ST14: variants seen among roughly 807,000 people sequenced by gnomAD.
ST14 encodes ST14 transmembrane serine protease matriptase, also known as suppressor of tumorigenicity 14 protein.
In ST14, 40 loss-of-function variants were observed where a neutral mutation model predicts 96.5. That is an observed-to-expected ratio of 0.41 (90% CI 0.32 to 0.54). The LOEUF is 0.54. Ranked by LOEUF, ST14 falls within the 20% of genes least tolerant of loss-of-function variation. ST14 has a pLI of 0.17. For missense variants in ST14, 1,066 were observed against 1,188.9 expected (o/e 0.90, Z 1.52); for synonymous variants, 506 against 492.1 (o/e 1.03, Z -0.37).
chr11:130,192,513 C>T (rs932097780), intron 7 of ST14, among the ~76,000 whole-genome samples: 19 of 152,164 alleles, frequency 1.2e-4, no homozygotes, highest in South Asian at 6.2e-4. Context: ...TTCATCCTCT[C>T]GAGCAGCTGG....
At chr11:130,207,376 C>T (rs1177619745) in intron 16 of ST14, among the ~76,000 whole-genome samples, 1 of 152,132 alleles carries the variant, frequency 6.6e-6, no homozygotes, top group Non-Finnish European at 1.5e-5. Flanking sequence ...CATGGCGAAA[C>T]CCCGTTTCCA....
rs549457370 is a variant in ST14 at position 130,181,017 on chromosome 11, G to A, written c.82-7097G>A. Among the ~76,000 whole-genome samples, 5 of 152,294 alleles carry A rather than the reference G, an allele frequency of 3.3e-5. No individual in the cohort carries two copies. The East Asian group carries it at 7.7e-4, about 24-fold the overall frequency. ...AAGTTGGGTGAGATGGCAATGGTCC[G>A]ATCTCATCCCTGCTGGGTGGGATGG... On this transcript the variant is annotated intron_variant, in intron 1 of 18. Coordinates refer to ENST00000278742, the MANE Select transcript of ST14 (RefSeq NM_021978.4). This position sits in a 1 kb window ranked among gnomAD's most constrained non-coding sequence, Gnocchi z 4.1.
At chr11:130,164,128 G>A (rs768946457) in intron 1 of ST14, among the ~76,000 whole-genome samples, 4 of 152,206 alleles carry the variant, frequency 2.6e-5, no homozygotes, top group Non-Finnish European at 4.4e-5. Flanking sequence ...GTTGTCTTTG[G>A]AAGAGGAAGG....
chr11:130,208,973 C>G (rs1002592081), intron 17 of ST14, among the ~76,000 whole-genome samples: 7 of 152,186 alleles, frequency 4.6e-5, no homozygotes, highest in Non-Finnish European at 1.0e-4. Context: ...GATAGCAACA[C>G]CTTAAGCCCA....
chr11:130,194,784 G>A (rs763269484), intron 9 of ST14, 47 bp downstream of exon 9: 1 of 1,580,966 alleles, frequency 6.3e-7, no homozygotes, highest in South Asian at 1.1e-5. Context: ...GAGCATGTAT[G>A]TGCACGTGTG....
At chr11:130,200,208 G>T in intron 16 of ST14, 71 bp downstream of exon 16, 2 of 1,576,986 alleles carry the variant, frequency 1.3e-6, no homozygotes, top group Non-Finnish European at 1.7e-6. Flanking sequence ...GCCAGGATAG[G>T]TTGGCACCGA....
intron 5 of ST14, 72 bp downstream of exon 5, chr11:130,189,968 T>C: frequency 1.2e-6 from 2 of 1,612,244 alleles, no homozygotes; most frequent in South Asian, 2.2e-5. Flanking sequence ...CCCTGGACCA[T>C]TGCAGGGGAC....
chr11:130,171,581 C>G (rs1953092764), intron 1 of ST14, among the ~76,000 whole-genome samples: 1 of 152,162 alleles, frequency 6.6e-6, no homozygotes, highest in African/African-American at 2.4e-5. Flanking sequence ...GGGGGGGTCT[C>G]TTGAGTGGTG....
chr11:130,197,833 G>C lies in ST14; in HGVS notation c.1355-8G>C, dbSNP rs1185880732. ...TGCTGGGGGCCTCAGGCCTGCCTGTGCCCGCAGCATGCCCGGGGCAGTTCA... is the reference window on the plus strand; with the variant it reads ...TGCTGGGGGCCTCAGGCCTGCCTGTCCCCGCAGCATGCCCGGGGCAGTTCA... On this transcript the variant is annotated splice_region_variant and splice_polypyrimidine_tract_variant and intron_variant, in intron 11 of 18. Coordinates refer to ENST00000278742, the MANE Select transcript of ST14 (RefSeq NM_021978.4). 4 of 1,560,242 alleles carry C rather than the reference G, an allele frequency of 2.6e-6. No homozygotes were observed. The highest frequency in any genetic ancestry group is 3.5e-6 in the Non-Finnish European group (4 of 1,156,214).
chr11:130,177,677 G>A (rs1204611678), intron 1 of ST14, among the ~76,000 whole-genome samples: 1 of 152,248 alleles, frequency 6.6e-6, no homozygotes, highest in African/African-American at 2.4e-5. Context: ...CCGAGACCTT[G>A]TCAGCTCTTG....
At chr11:130,165,653 G>A (rs183167237) in intron 1 of ST14, among the ~76,000 whole-genome samples, 1 of 152,142 alleles carries the variant, frequency 6.6e-6, no homozygotes, top group African/African-American at 2.4e-5. Flanking sequence ...GTGGTGGTGG[G>A]GATGATGATG....
chr11:130,199,759 A>G (rs937913455), intron 15 of ST14, among the ~76,000 whole-genome samples, 192 bp from the exon 16 acceptor site: 2 of 152,188 alleles, frequency 1.3e-5, no homozygotes, highest in Non-Finnish European at 2.9e-5. Context: ...AAGGAGGGGC[A>G]TGGTGGAAGG....
chr11:130,191,579 A>G (rs1953300293), intron 7 of ST14, among the ~76,000 whole-genome samples: 1 of 150,512 alleles, frequency 6.6e-6, no homozygotes, highest in Admixed American at 6.6e-5. Flanking sequence ...AATCCCAGCT[A>G]CTCGGGAGGC....
chr11:130,209,511 T>G lies in ST14; in HGVS notation c.2339T>G (p.Leu780Arg), dbSNP rs919876186. 1.3e-6 allele frequency: 2 copies of G among 1,584,470 alleles called. No individual in the cohort carries two copies. Among genetic ancestry groups the G allele is most frequent in the East Asian group, 2.3e-5 (1 of 43,616 alleles). The stretch of plus-strand genomic sequence containing the variant: ...AACCAGACCACCTGCGAGAACCTCC[T>G]GCCGCAGCAGATCACGCCGCGCATG... ...VINQTTCENL[L>R]PQQITPRMMC... Residue 780 changes from leucine (L) to arginine (R), a missense_variant, in exon 18 of 19, where the codon CTG (leucine) becomes CGG (arginine). Coordinates refer to ENST00000278742, the MANE Select transcript of ST14 (RefSeq NM_021978.4).
chr11:130,191,667 G>GTGA lies in ST14; in HGVS notation c.875+973_875+974insTGA, dbSNP rs1462439857. Among the ~76,000 whole-genome samples, 754 of 145,462 alleles carry GTGA rather than the reference G, an allele frequency of 5.2e-3. 10 individuals carry two copies. The highest frequency in any genetic ancestry group is 0.018 in the African/African-American group (685 of 38,772). On this transcript the variant is annotated intron_variant, in intron 7 of 18. Coordinates refer to ENST00000278742, the MANE Select transcript of ST14 (RefSeq NM_021978.4). ...ATCGTACCACTACACTCCAGCCTGG[G>GTGA]CAACAGAGCGAGACTCTGTCTCAAA... is the stretch of plus-strand genomic sequence containing the variant.
intron 12 of ST14, 53 bp from the exon 13 acceptor site, chr11:130,198,255 G>A: frequency 6.5e-7 from 1 of 1,530,628 alleles, no homozygotes; most frequent in Non-Finnish European, 9.1e-7. Flanking sequence ...GCATCCTGGG[G>A]AAGCAGTGAG....
At chr11:130,195,391 C>T (rs1953349669) in intron 9 of ST14, among the ~76,000 whole-genome samples, 1 of 152,142 alleles carries the variant, frequency 6.6e-6, no homozygotes, top group Admixed American at 6.5e-5. Context: ...TGGGCAGTTG[C>T]TGAAGCTCCC....
At chr11:130,199,804 C>T in intron 15 of ST14, 147 bp from the exon 16 acceptor site, 1 of 875,652 alleles carries the variant, frequency 1.1e-6, no homozygotes, top group Non-Finnish European at 1.8e-6. Flanking sequence ...TTTGGGGGTC[C>T]CTCACGCCCT....
rs1478109076 is a variant in ST14, at chr11:130,189,072, C to T, written c.440+133C>T. ...CCTGGAGAGCCAAGGAGGGTCCTCGCTGTGTCCTCCTGTGCGTTACTTGGC... is the reference window on the plus strand; with the variant it reads ...CCTGGAGAGCCAAGGAGGGTCCTCGTTGTGTCCTCCTGTGCGTTACTTGGC... On this transcript the variant is annotated intron_variant, in intron 4 of 18. Coordinates refer to ENST00000278742, the MANE Select transcript of ST14 (RefSeq NM_021978.4). The T allele has an allele frequency of 4.4e-6, 4 of 906,570 alleles. No homozygotes were observed. The African/African-American group carries it at 6.6e-5, about 15-fold the overall frequency. The allele number at this position is 906,570 out of a possible 1,614,324, so 56.2% of individuals were successfully genotyped here.
Sources: gnomAD v4.1 joint callset for allele counts (sites outside exome capture counted in the v4.1 genomes callset) on GRCh38, gnomAD v4.1.1 for gene constraint, Gnocchi (gnomAD v3.1) non-coding constraint, MANE v1.5 for transcripts, NCBI Gene and HGNC (gene_info 2026-07-23, HGNC 2026-07-21) for gene names.